Variants in ARAP2 observed in about 807,000 individuals in gnomAD.
ARAP2 encodes the protein arf-GAP with Rho-GAP domain, ANK repeat and PH domain-containing protein 2.
In ARAP2, 148 loss-of-function variants were observed where a neutral mutation model predicts 194.5. That is an observed-to-expected ratio of 0.76 (90% confidence interval 0.67 to 0.87). The LOEUF (loss-of-function observed/expected upper bound fraction) is 0.87, where lower values mean the gene tolerates loss of function less well. ARAP2 is among the 40% of genes least tolerant of loss of function. The probability of loss-of-function intolerance (pLI) is 0.00; values close to 1 mark genes in which losing one functional copy is unlikely to be tolerated. For missense variants in ARAP2, 2,128 were observed against 1,989.7 expected (o/e 1.07, Z -1.32); for synonymous variants, 695 against 683.5 (o/e 1.02, Z -0.26).
Position 36,117,601 on chromosome 4 carries a change from G to A in ARAP2, c.3964-466C>T, listed in dbSNP as rs113442413. 4.7e-3 allele frequency among the ~76,000 whole-genome samples: 714 copies of A among 151,682 alleles called. 5 individuals are homozygous for A. Among genetic ancestry groups the A allele is most frequent in the African/African-American group, 0.016 (646 of 41,476 alleles). ...TAAAAGGCAAATTATGGCTTGCTAC[G>A]TTTTTAAAGAGAAGATATGCCTGAA... On this transcript the variant is annotated intron_variant, in intron 24 of 32. Coordinates refer to ENST00000303965, the MANE Select transcript of ARAP2 (RefSeq NM_015230.4).
intron 7 of ARAP2, among the ~76,000 whole-genome samples, chr4:36,190,188 T>C (rs547410710): frequency 6.6e-6 from 1 of 152,340 alleles, no homozygotes; most frequent in South Asian, 2.1e-4. Context: ...AGCATAAATA[T>C]ATCCTCCTGA....
chr4:36,113,748 C>T (rs375268225), intron 26 of ARAP2, among the ~76,000 whole-genome samples: 1 of 151,826 alleles, frequency 6.6e-6, no homozygotes, highest in African/African-American at 2.4e-5. Context: ...ATATGTGATT[C>T]ACTAAAGATA....
chr4:36,158,894 A>C, intron 14 of ARAP2, 30 bp from the exon 15 acceptor site: 1 of 1,562,338 alleles, frequency 6.4e-7, no homozygotes, highest in Non-Finnish European at 8.6e-7. Flanking sequence ...AAGGCACAAG[A>C]AATCTAAAAT....
At chr4:36,205,873 A>C (rs190125726) in intron 6 of ARAP2, among the ~76,000 whole-genome samples, 210 of 152,364 alleles carry the variant, frequency 1.4e-3, no homozygotes, top group African/African-American at 4.9e-3. Context: ...AAACTACAAA[A>C]ATATTAAAGC....
chr4:36,195,946 G>GA (rs1742998623), intron 6 of ARAP2, among the ~76,000 whole-genome samples: 1 of 152,188 alleles, frequency 6.6e-6, no homozygotes, highest in African/African-American at 2.4e-5. Context: ...CACTGAAAAA[G>GA]AATTTGCTGA....
intron 27 of ARAP2, among the ~76,000 whole-genome samples, chr4:36,104,697 A>C (rs1451412409): frequency 6.6e-6 from 1 of 152,060 alleles, no homozygotes; most frequent in East Asian, 1.9e-4. Flanking sequence ...ACCATAATGA[A>C]AGAGATTATT....
intron 5 of ARAP2, among the ~76,000 whole-genome samples, chr4:36,040,255 G>A (rs979874607): frequency 6.6e-6 from 1 of 152,118 alleles, no homozygotes; most frequent in Non-Finnish European, 1.5e-5. Flanking sequence ...AGTGGGATGA[G>A]CAAAACAAAA....
chr4:36,153,971 A>C (rs73809140), intron 15 of ARAP2, among the ~76,000 whole-genome samples: 1 of 152,124 alleles, frequency 6.6e-6, no homozygotes, highest in East Asian at 1.9e-4. Flanking sequence ...GGTCACACTA[A>C]GTATTTAGCA....
intron 28 of ARAP2, 106 bp from the exon 29 acceptor site, chr4:36,083,556 T>C (rs1301493162): frequency 1.3e-6 from 1 of 777,394 alleles, no homozygotes; most frequent in East Asian, 2.9e-5. Context: ...TCTCAGTGTT[T>C]CATAAAACAA....
chr4:36,107,764 A>G (rs1718796960), intron 26 of ARAP2, 71 bp from the exon 27 acceptor site: 1 of 1,439,154 alleles, frequency 6.9e-7, no homozygotes, highest in Non-Finnish European at 9.3e-7. Flanking sequence ...ATAATCATAA[A>G]TTTTAAAAAA....
At chr4:36,022,446 T>A (rs868241483) in intron 5 of ARAP2, among the ~76,000 whole-genome samples, 2 of 152,158 alleles carry the variant, frequency 1.3e-5, no homozygotes, top group South Asian at 4.1e-4. Flanking sequence ...CAGATACTTA[T>A]GCTTTCAGCG....
intron 9 of ARAP2, among the ~76,000 whole-genome samples, chr4:36,011,288 G>A (rs922218475): frequency 3.6e-4 from 55 of 152,052 alleles, no homozygotes; most frequent in South Asian, 2.1e-4. Flanking sequence ...ATAAGGGAAC[G>A]TCTGTATTTG....
chr4:36,196,440 G>A (rs754264630), intron 6 of ARAP2, among the ~76,000 whole-genome samples: 1 of 152,176 alleles, frequency 6.6e-6, no homozygotes, highest in Non-Finnish European at 1.5e-5. Flanking sequence ...CTGGCTCTCT[G>A]AGGAAAATCT....
chr4:36,231,932 A>C (rs1485480523), intron 1 of ARAP2, among the ~76,000 whole-genome samples: 2 of 152,190 alleles, frequency 1.3e-5, no homozygotes, highest in African/African-American at 4.8e-5. Context: ...ATTAAGGTTA[A>C]ATGAGGTCAT....
At chr4:36,138,269 A>C (rs1388571519) in intron 19 of ARAP2, among the ~76,000 whole-genome samples, 1 of 151,680 alleles carries the variant, frequency 6.6e-6, no homozygotes, top group Non-Finnish European at 1.5e-5. Context: ...GGTTTGAAAT[A>C]TTTTTGCAAA....
At chr4:36,171,291 C>A (rs898905683) in intron 9 of ARAP2, among the ~76,000 whole-genome samples, 1 of 152,078 alleles carries the variant, frequency 6.6e-6, no homozygotes, top group African/African-American at 2.4e-5. Context: ...CAACGATAGA[C>A]TGGATTAAGA....
chr4:36,187,309 G>T (rs1740788121), intron 8 of ARAP2, 142 bp downstream of exon 8: 3 of 436,332 alleles, frequency 6.9e-6, no homozygotes, highest in Non-Finnish European at 1.2e-5. Context: ...TTAACATTAT[G>T]CATTTGAAAA....
At chr4:36,146,149 T>C (rs939694229) in intron 19 of ARAP2, among the ~76,000 whole-genome samples, 4 of 152,010 alleles carry the variant, frequency 2.6e-5, no homozygotes, top group Non-Finnish European at 5.9e-5. Context: ...TCCTTGACTC[T>C]TACACTTATC....
intron 8 of ARAP2, among the ~76,000 whole-genome samples, chr4:36,180,306 C>T (rs1196502275): frequency 6.6e-6 from 1 of 152,086 alleles, no homozygotes; most frequent in Non-Finnish European, 1.5e-5. Flanking sequence ...AGAATTGGTG[C>T]TTGTTGCAAT....
Sources: gnomAD v4.1 joint callset for allele counts (sites outside exome capture counted in the v4.1 genomes callset) on GRCh38, gnomAD v4.1.1 for gene constraint, MANE v1.5 for transcripts, NCBI Gene and HGNC (gene_info 2026-07-23, HGNC 2026-07-21) for gene names.